VARS1: variants seen among roughly 807,000 people sequenced by gnomAD.
VARS1 encodes the protein valyl-tRNA synthetase 1.
In VARS1, 92 loss-of-function variants were observed where a neutral mutation model predicts 161.0. The ratio of observed to expected loss-of-function variants is 0.57; its 90% CI spans 0.48 to 0.68. The LOEUF (loss-of-function observed/expected upper bound fraction) is 0.68, where lower values mean the gene tolerates loss of function less well. Among genes scored for constraint, VARS1 ranks in the 30% least tolerant of loss-of-function variants. VARS1 has a pLI of 0.00. For synonymous variants in VARS1, 595 were observed against 682.5 expected, an observed-to-expected ratio of 0.87 and a Z score of 2.00; for missense variants, 1,338 against 1,695.9, an observed-to-expected ratio of 0.79 and a Z score of 3.71.
chr6:31,778,682 G>A lies in VARS1; in HGVS notation c.3726+285C>T. On this transcript the variant is annotated intron_variant, in intron 29 of 29. Transcript: ENST00000375663. The surrounding 1 kb of genome is among the most constrained non-coding windows in gnomAD (Gnocchi z 5.1). ...GTGCCACTATGGCCAGCTAATTTTT[G>A]TATTTTTGTTGTAGAGATGGGATTT... 2 of 515,780 alleles carry A rather than the reference G, an allele frequency of 3.9e-6. No homozygotes were observed. The highest frequency in any genetic ancestry group is 6.9e-6 in the Non-Finnish European group (2 of 291,212). The allele number at this position is 515,780 out of a possible 1,614,324, so 32.0% of individuals were successfully genotyped here.
chr6:31,779,749 C>T lies in VARS1; in HGVS notation c.3147G>A (p.Leu1049=), dbSNP rs769008991. ...GCAGGCCAACGTCCAGGCAAGTGTA[C>T]AGGGTCTGGCGGGCACACTCAGCTG... The part of the protein sequence containing the change: ...QVAAECARQT[L]YTCLDVGLRL... The change falls in exon 27 of 30, where the codon CTG becomes CTA. Residue 1049 remains leucine (L), a synonymous_variant. Coordinates refer to ENST00000375663, the MANE Select transcript of VARS1 (RefSeq NM_006295.3). This position sits in a 1 kb window ranked among gnomAD's most constrained non-coding sequence, Gnocchi z 9.1. The T allele has an allele frequency of 6.2e-7, 1 of 1,613,046 alleles. No individual in the cohort carries two copies. The highest frequency in any genetic ancestry group is 1.7e-5 in the Admixed American group (1 of 60,026).
rs1004045421 is a variant in VARS1 at position 31,784,058 on chromosome 6, A to G, written c.1671+156T>C. Among the ~76,000 whole-genome samples the G allele has an allele frequency of 2.0e-5, 3 of 152,224 alleles. No homozygotes were observed. Among genetic ancestry groups the G allele is most frequent in the African/African-American group, 4.8e-5 (2 of 41,516 alleles). On this transcript the variant is annotated intron_variant, in intron 13 of 29. Coordinates refer to ENST00000375663, the MANE Select transcript of VARS1 (RefSeq NM_006295.3). The surrounding 1 kb of genome is among the most constrained non-coding windows in gnomAD (Gnocchi z 6.1). Reference sequence around the variant, plus strand: ...CTTGAACTCCCCCAAACAGTCCCCAATAGCTCTACCCTCAGAGCTGGGAAA... The same window carrying G: ...CTTGAACTCCCCCAAACAGTCCCCAGTAGCTCTACCCTCAGAGCTGGGAAA...
Position 31,784,514 on chromosome 6 carries a change from G to T in VARS1, c.1468-12C>A. ...TCCTTCTTATCCACCTGTAAAATGG[G>T]TATTTAGAGGCGTGGCCCAGGGGCC... is the stretch of plus-strand genomic sequence containing the variant. On this transcript the variant is annotated splice_polypyrimidine_tract_variant and intron_variant, in intron 11 of 29. Transcript: ENST00000375663. This position sits in a 1 kb window ranked among gnomAD's most constrained non-coding sequence, Gnocchi z 6.1. 1 of 1,613,936 alleles carries T rather than the reference G, an allele frequency of 6.2e-7. No homozygotes were observed. Among genetic ancestry groups the T allele is most frequent in the Non-Finnish European group, 8.5e-7 (1 of 1,180,046 alleles).
Position 31,779,541 on chromosome 6 carries a change from G to C in VARS1, c.3289-5C>G. ...CTCGGGGTCCTTCCAGGAGCACTGT[G>C]GGGTGGAGGAGGGGGTGAGGGGGCC... On this transcript the variant is annotated splice_polypyrimidine_tract_variant and splice_region_variant and intron_variant, in intron 27 of 29. Coordinates refer to ENST00000375663, the MANE Select transcript of VARS1 (RefSeq NM_006295.3). The surrounding 1 kb of genome is among the most constrained non-coding windows in gnomAD (Gnocchi z 9.1). 6.2e-7 allele frequency: 1 copy of C among 1,612,632 alleles called. No individual in the cohort carries two copies. The highest frequency in any genetic ancestry group is 1.1e-5 in the South Asian group (1 of 91,080).
rs1331989851 is a variant in VARS1 at position 31,781,124 on chromosome 6, C to T, written c.2545-1G>A. The T allele has an allele frequency of 6.2e-7, 1 of 1,612,740 alleles. No individual in the cohort carries two copies. The highest frequency in any genetic ancestry group is 8.5e-7 in the Non-Finnish European group (1 of 1,180,020). On this transcript the variant is annotated splice_acceptor_variant, in intron 21 of 29. Transcript: ENST00000375663. LOFTEE classifies it high-confidence loss of function. This position sits in a 1 kb window ranked among gnomAD's most constrained non-coding sequence, Gnocchi z 6.8. ...CTCGCACGATGGCATGGAGGTAGACCTGCAGAGCAGGTGGGGAGGCCCATG... is the reference window on the plus strand; with the variant it reads ...CTCGCACGATGGCATGGAGGTAGACTTGCAGAGCAGGTGGGGAGGCCCATG...
At position 31,792,990 on chromosome 6, in the gene VARS1, C is replaced by A. The variant is rs150140376; in HGVS notation, c.518G>T (p.Arg173Leu). ...AAVTALLLPF[R>L]YVLDPPARRI... ...TCCCCAGGCCTGGTGACTCACGTAT[C>A]GGAAAGGCAGCAGCAAGGCTGTGAC... The change falls in exon 3 of 30, where the codon CGA becomes CTA. Residue 173 changes from arginine (R) to leucine (L), a missense_variant. By Grantham distance (102) the Arg-to-Leu change is moderately radical (BLOSUM62 -2). Around this residue, in one of 3 missense-constraint regions of VARS1, gnomAD observed 902 missense variants for 1,090.3 expected, o/e 0.83. Transcript: ENST00000375663. 9.9e-6 allele frequency: 16 copies of A among 1,613,640 alleles called. No individual in the cohort carries two copies. The highest frequency in any genetic ancestry group is 3.3e-4 in the Middle Eastern group (2 of 6,060).
Position 31,791,676 on chromosome 6 carries a change from T to C in VARS1, c.1034A>G (p.Asn345Ser), listed in dbSNP as rs754947113. 3 of 1,612,832 alleles carry C rather than the reference T, an allele frequency of 1.9e-6. No individual in the cohort carries two copies. The highest frequency in any genetic ancestry group is 2.5e-6 in the Non-Finnish European group (3 of 1,179,976). The part of the protein sequence containing the change: ...GVFMMCIPPP[N>S]VTGSLHLGHA... ...GCCCAGGTGCAGGGAGCCTGTCACA[T>C]TGGGGGGTGGGATGCACATCATGAA... Residue 345 changes from asparagine to serine, a missense_variant, in exon 8 of 30, where the codon AAT becomes AGT. This residue lies in a region of VARS1 where 902 missense variants were observed against 1,090.3 expected (regional missense o/e 0.83). Transcript: ENST00000375663. The surrounding 1 kb of genome is among the most constrained non-coding windows in gnomAD (Gnocchi z 5.0).
Position 31,781,490 on chromosome 6 carries a change from G to T in VARS1, c.2535C>A (p.Pro845=), listed in dbSNP as rs539740461. ...TCGGCTGTCTCCGCACCTCTCTAAA[G>T]GGCAGCCTGCCCGTGAGCTTCAGGC... ...MLGLKLTGRL[P]FREVYLHAIV... is the part of the protein sequence containing the mutation. Residue 845 remains proline (P), a synonymous_variant, in exon 21 of 30, where the codon CCC becomes CCA. Transcript: ENST00000375663. This position sits in a 1 kb window ranked among gnomAD's most constrained non-coding sequence, Gnocchi z 6.8. 1 of 1,612,620 alleles carries T rather than the reference G, an allele frequency of 6.2e-7. No individual in the cohort carries two copies. The highest frequency in any genetic ancestry group is 1.3e-5 in the African/African-American group (1 of 75,034).
At position 31,777,945 on chromosome 6, in the gene VARS1, A is replaced by C; in HGVS notation, c.3727-283T>G. ...CATTCAGTGTCCCCACCTAAGCAGG[A>C]GAGCACAGTCTCCCAGGCCGGTCAC... On this transcript the variant is annotated intron_variant, in intron 29 of 29. Coordinates refer to ENST00000375663, the MANE Select transcript of VARS1 (RefSeq NM_006295.3). The surrounding 1 kb of genome is among the most constrained non-coding windows in gnomAD (Gnocchi z 5.8). 1 of 552,868 alleles carries C rather than the reference A, an allele frequency of 1.8e-6. No homozygotes were observed. The highest frequency in any genetic ancestry group is 3.2e-6 in the Non-Finnish European group (1 of 308,982). The allele number at this position is 552,868 out of a possible 1,614,324, so 34.2% of individuals were successfully genotyped here. A position where few individuals can be genotyped will look rare whatever the true frequency, so the allele number is the denominator to read the frequency against.
chr6:31,780,772 G>C lies in VARS1; in HGVS notation c.2730C>G (p.Phe910Leu). 1 of 1,614,210 alleles carries C rather than the reference G, an allele frequency of 6.2e-7. No homozygotes were observed. Among genetic ancestry groups the C allele is most frequent in the Non-Finnish European group, 8.5e-7 (1 of 1,180,022 alleles). Residue 910 changes from phenylalanine to leucine, a missense_variant, in exon 24 of 30, where the codon TTC becomes TTG. By Grantham distance (22) the Phe-to-Leu change is conservative. Coordinates refer to ENST00000375663, the MANE Select transcript of VARS1 (RefSeq NM_006295.3). This position sits in a 1 kb window ranked among gnomAD's most constrained non-coding sequence, Gnocchi z 5.1. ...TGCCACATTCAGGAATCCCCGCTGG[G>C]AAGTCAGCTTTCTACAGGGAAGAGG... Reference protein sequence around the residue: ...EKAKEGQKADFPAGIPECGTD... With the variant: ...EKAKEGQKADLPAGIPECGTD...
chr6:31,781,046 C>T lies in VARS1; in HGVS notation c.2622G>A (p.Leu874=). 6.2e-7 allele frequency: 1 copy of T among 1,613,960 alleles called. No individual in the cohort carries two copies. The highest frequency in any genetic ancestry group is 8.5e-7 in the Non-Finnish European group (1 of 1,180,034). The change falls in exon 22 of 30, where the codon CTG becomes CTA. Residue 874 remains leucine (L), a synonymous_variant. Transcript: ENST00000375663. This position sits in a 1 kb window ranked among gnomAD's most constrained non-coding sequence, Gnocchi z 6.8. ...SKSLGNVIDP[L]DVIYGISLQG... ...GCAGGGAGATTCCATAGATGACGTC[C>T]AGGGGATCGATGACATTGCCTAGAG...
chr6:31,793,849 T>C (rs1239655762), intron 2 of VARS1, among the ~76,000 whole-genome samples: 1 of 152,018 alleles, frequency 6.6e-6, no homozygotes, highest in Non-Finnish European at 1.5e-5. Context: ...ACACCTATAA[T>C]CTCAGCACTT....
chr6:31,795,150 C>T lies in VARS1; in HGVS notation c.68G>A (p.Arg23His). 6.7e-7 allele frequency: 1 copy of T among 1,484,702 alleles called. No individual in the cohort carries two copies. Among genetic ancestry groups the T allele is most frequent in the South Asian group, 1.4e-5 (1 of 72,046 alleles). The allele number at this position is 1,484,702 out of a possible 1,614,324, so 92.0% of individuals were successfully genotyped here. A position where few individuals can be genotyped will look rare whatever the true frequency, so the allele number is the denominator to read the frequency against. The change falls in exon 2 of 30, where the codon CGC becomes CAC. Residue 23 changes from arginine to histidine, a missense_variant. Physicochemically the swap from Arg to His is conservative, Grantham distance 29. Transcript: ENST00000375663. The surrounding 1 kb of genome is among the most constrained non-coding windows in gnomAD (Gnocchi z 6.9). ...FPSLRALIAA[R>H]YGEAGEGPGW... ...GGGACCCTCCCCAGCCTCCCCATAG[C>T]GAGCGGCTATGAGGGCTCGGAGGCT...
In VARS1 at chr6:31,780,043, A is replaced by C. The variant is rs1813029187; in HGVS notation, c.3036T>G (p.Thr1012=). 5.6e-6 allele frequency: 9 copies of C among 1,613,976 alleles called. No individual in the cohort carries two copies. Among genetic ancestry groups the C allele is most frequent in the Non-Finnish European group, 7.6e-6 (9 of 1,180,026 alleles). Residue 1012 remains threonine (T), a synonymous_variant, in exon 26 of 30, where the codon ACT becomes ACG. Transcript: ENST00000375663. This position sits in a 1 kb window ranked among gnomAD's most constrained non-coding sequence, Gnocchi z 5.1. Reference sequence around the variant, plus strand: ...CATAGAGCCAGAAGCTGTACTGGGCAGTGGTGACGGCCGGGAAGTCGTAGG... The same window carrying C: ...CATAGAGCCAGAAGCTGTACTGGGCCGTGGTGACGGCCGGGAAGTCGTAGG... ...FQAYDFPAVT[T]AQYSFWLYEL...
intron 8 of VARS1, among the ~76,000 whole-genome samples, chr6:31,790,154 A>G (rs1813776474): frequency 6.6e-6 from 1 of 152,112 alleles, no homozygotes; most frequent in Admixed American, 6.5e-5. Context: ...CAAAGTTTAC[A>G]AATTTGTGTT....
chr6:31,794,107 A>AAG (rs1554225099), intron 2 of VARS1, among the ~76,000 whole-genome samples: 22 of 151,744 alleles, frequency 1.4e-4, no homozygotes, highest in African/African-American at 5.3e-4. Flanking sequence ...AAAAAAAAAA[A>AAG]AAAAGAAAAG....
chr6:31,783,028 G>A, intron 14 of VARS1, 68 bp downstream of exon 14: 1 of 1,576,984 alleles, frequency 6.3e-7, no homozygotes. Flanking sequence ...TTTTCTCTGA[G>A]AGAAGATGGA....
Position 31,781,737 on chromosome 6 carries a change from A to G in VARS1, c.2372T>C (p.Phe791Ser). 1 of 1,613,008 alleles carries G rather than the reference A, an allele frequency of 6.2e-7. No individual in the cohort carries two copies. The highest frequency in any genetic ancestry group is 8.5e-7 in the Non-Finnish European group (1 of 1,180,000). Residue 791 changes from phenylalanine to serine, a missense_variant, in exon 20 of 30, where the codon TTC becomes TCC. Phe to Ser is a radical substitution (Grantham distance 155). This residue lies in a region of VARS1 where 902 missense variants were observed against 1,090.3 expected (regional missense o/e 0.83). Transcript: ENST00000375663. This position sits in a 1 kb window ranked among gnomAD's most constrained non-coding sequence, Gnocchi z 6.8. ...QQDEDVLDTW[F>S]SSGLFPLSIL... The stretch of plus-strand genomic sequence containing the variant: ...GGATAAGGGGAAGAGGCCAGAGGAG[A>G]ACCAGGTATCCAATACATCCTCATC...
At position 31,782,243 on chromosome 6, in the gene VARS1, C is replaced by T. The variant is rs536196212; in HGVS notation, c.2150+42G>A. 31 of 1,610,128 alleles carry T rather than the reference C, an allele frequency of 1.9e-5. No homozygotes were observed. The highest frequency in any genetic ancestry group is 7.7e-5 in the South Asian group (7 of 90,806). On this transcript the variant is annotated intron_variant, in intron 17 of 29. Coordinates refer to ENST00000375663, the MANE Select transcript of VARS1 (RefSeq NM_006295.3). The surrounding 1 kb of genome is among the most constrained non-coding windows in gnomAD (Gnocchi z 8.3). ...GAGCCTGGCCCGAGTGAGCCCTGCT[C>T]AGCCCTCGGCAAGCCCCTCCCACAC...
Sources: gnomAD v4.1 joint callset for allele counts (sites outside exome capture counted in the v4.1 genomes callset) on GRCh38, gnomAD v4.1.1 for gene constraint, gnomAD v4.1.1 regional missense constraint, Gnocchi (gnomAD v3.1) non-coding constraint, MANE v1.5 for transcripts, NCBI Gene and HGNC (gene_info 2026-07-23, HGNC 2026-07-21) for gene names.